Variants in MAX observed in about 807,000 individuals in gnomAD.
The protein encoded by MAX is MYC associated transcriptional regulator X.
A neutral mutation model predicts 22.3 loss-of-function variants in MAX; 3 were observed. That is an observed-to-expected ratio of 0.13 (90% CI 0.06 to 0.35). The LOEUF (loss-of-function observed/expected upper bound fraction) is 0.35, where lower values mean the gene tolerates loss of function less well. Ranked by LOEUF, MAX falls within the 10% of genes least tolerant of loss-of-function variation. The probability of loss-of-function intolerance (pLI) is 1.00; values close to 1 mark genes in which losing one functional copy is unlikely to be tolerated. For synonymous variants in MAX, 72 were observed against 77.7 expected, an observed-to-expected ratio of 0.93 and a Z score of 0.39; for missense variants, 119 against 209.4, an observed-to-expected ratio of 0.57 and a Z score of 2.66.
chr14:65,099,887 T>A (rs981596391), intron 2 of MAX, among the ~76,000 whole-genome samples: 1 of 152,190 alleles, frequency 6.6e-6, no homozygotes, highest in African/African-American at 2.4e-5. Context: ...AACAACTACA[T>A]CCCCGGATTT....
intron 3 of MAX, among the ~76,000 whole-genome samples, chr14:65,092,286 C>G (rs1168241440): frequency 6.6e-6 from 1 of 152,126 alleles, no homozygotes; most frequent in East Asian, 1.9e-4. Context: ...CGCAACTCAC[C>G]CCTTGAGAAA....
chr14:65,092,185 C>A (rs1272751866), intron 3 of MAX, among the ~76,000 whole-genome samples: 1 of 152,140 alleles, frequency 6.6e-6, no homozygotes, highest in Admixed American at 6.5e-5. Context: ...TTAAGAATGC[C>A]TAAGAATCAT....
downstream of MAX, among the ~76,000 whole-genome samples, chr14:65,070,129 G>A (rs2062970430): frequency 6.6e-6 from 1 of 152,180 alleles, no homozygotes; most frequent in South Asian, 2.1e-4. The surrounding 1 kb of genome is among the most constrained non-coding windows in gnomAD (Gnocchi z 4.4). Flanking sequence ...CATGCCCATT[G>A]GGTTATTTTT....
At chr14:65,022,370 A>G (rs1361949863) in intron 3 of MAX, among the ~76,000 whole-genome samples, 1 of 151,722 alleles carries the variant, frequency 6.6e-6, no homozygotes, top group Non-Finnish European at 1.5e-5. Flanking sequence ...TGTCTATGAT[A>G]GCCTAGTCTA....
At chr14:65,058,457 T>C (rs1438847414) in intron 3 of MAX, among the ~76,000 whole-genome samples, 1 of 152,192 alleles carries the variant, frequency 6.6e-6, no homozygotes, top group Non-Finnish European at 1.5e-5. Flanking sequence ...CCATTTTATT[T>C]TTCTTGCCTT....
intron 3 of MAX, among the ~76,000 whole-genome samples, chr14:65,033,736 A>G (rs548509327): frequency 1.1e-4 from 17 of 152,310 alleles, no homozygotes; most frequent in Admixed American, 2.0e-4. Flanking sequence ...GGGCGCCTGT[A>G]GTCCCAGCTA....
At chr14:65,034,258 C>T (rs770708556) in intron 3 of MAX, among the ~76,000 whole-genome samples, 5 of 152,188 alleles carry the variant, frequency 3.3e-5, no homozygotes, top group Admixed American at 2.6e-4. Context: ...GCAGGCATCC[C>T]GAAGCTTCCT....
rs2061680048 is a variant in MAX, at chr14:65,011,360, T to C, written c.172-5076A>G. Among the ~76,000 whole-genome samples the C allele has an allele frequency of 7.3e-6, 1 of 136,766 alleles. No homozygotes were observed. The highest frequency in any genetic ancestry group is 1.5e-5 in the Non-Finnish European group (1 of 66,182). The allele number at this position is 136,766 out of a possible 152,430, so 89.7% of individuals were successfully genotyped here. On this transcript the variant is annotated intron_variant, in intron 3 of 3. Coordinates refer to the MAX transcript ENST00000341653. The surrounding 1 kb of genome is among the most constrained non-coding windows in gnomAD (Gnocchi z 4.0). ...AGGAGAATAGCTTGAACCCAAGAGG[T>C]GGAGGTTGCAGTAAGCTGAAATCAC...
chr14:65,100,792 C>A (rs2063809647), intron 2 of MAX, among the ~76,000 whole-genome samples: 1 of 152,184 alleles, frequency 6.6e-6, no homozygotes, highest in East Asian at 1.9e-4. Flanking sequence ...GTCTCAGACT[C>A]CAAAGACATG....
intron 3 of MAX, among the ~76,000 whole-genome samples, chr14:65,040,484 G>A (rs753038133): frequency 6.6e-6 from 1 of 151,580 alleles, no homozygotes; most frequent in African/African-American, 2.4e-5. Context: ...TCTTTCACCC[G>A]GGCTGGAGCA....
chr14:65,018,981 A>T (rs1051014023), intron 3 of MAX, among the ~76,000 whole-genome samples: 1 of 151,940 alleles, frequency 6.6e-6, no homozygotes, highest in Non-Finnish European at 1.5e-5. Flanking sequence ...GTGGTGGCGC[A>T]TGCCTGTAAT....
At chr14:65,020,131 GT>G in intron 3 of MAX, among the ~76,000 whole-genome samples, 1 of 152,206 alleles carries the variant, frequency 6.6e-6, no homozygotes. Flanking sequence ...GCTTCTATTT[GT>G]TTAGGGAACA....
At chr14:65,019,867 C>G (rs1424701716) in intron 3 of MAX, among the ~76,000 whole-genome samples, 2 of 152,134 alleles carry the variant, frequency 1.3e-5, no homozygotes, top group Admixed American at 1.3e-4. Flanking sequence ...TTAAGGACTT[C>G]TATATAAATA....
chr14:65,052,316 C>G (rs1473686917), intron 3 of MAX, among the ~76,000 whole-genome samples: 1 of 151,980 alleles, frequency 6.6e-6, no homozygotes, highest in African/African-American at 2.4e-5. Flanking sequence ...CGCATAGAAC[C>G]AAAAAGACTG....
Position 65,077,631 on chromosome 14 carries a change from G to A in MAX, c.295+282C>T. 4 of 1,220,230 alleles carry A rather than the reference G, an allele frequency of 3.3e-6. No individual in the cohort carries two copies. Among genetic ancestry groups the A allele is most frequent in the Non-Finnish European group, 3.5e-6 (3 of 853,084 alleles). The allele number at this position is 1,220,230 out of a possible 1,614,324, so 75.6% of individuals were successfully genotyped here. A position where few individuals can be genotyped will look rare whatever the true frequency, so the allele number is the denominator to read the frequency against. On this transcript the variant is annotated intron_variant, in intron 4 of 4. Transcript: ENST00000358664. The surrounding 1 kb of genome is among the most constrained non-coding windows in gnomAD (Gnocchi z 6.3). ...CCTGATGCCAGGTGTGATCCCTACT[G>A]CAGGCAGAGCACCTGAGCCCCAAGA...
chr14:65,092,379 T>A (rs993772362), intron 3 of MAX, among the ~76,000 whole-genome samples: 36 of 152,182 alleles, frequency 2.4e-4, no homozygotes, highest in Non-Finnish European at 2.9e-5. Context: ...GCAATTTTAA[T>A]TGATACTATG....
intron 3 of MAX, among the ~76,000 whole-genome samples, chr14:65,026,445 C>CT (rs2061982729): frequency 6.6e-6 from 1 of 152,212 alleles, no homozygotes; most frequent in Admixed American, 6.5e-5. Flanking sequence ...AACCCGCAGA[C>CT]TGGGAGGCAT....
chr14:65,074,074 C>A (rs116722539), downstream of MAX, among the ~76,000 whole-genome samples: 6 of 152,314 alleles, frequency 3.9e-5, no homozygotes, highest in African/African-American at 1.2e-4. Context: ...GCTTCACATG[C>A]CTTCCATCTC....
rs142942714 is a variant in MAX, at chr14:65,044,426, G to A, written c.172-38142C>T. 38 of 1,611,592 alleles carry A rather than the reference G, an allele frequency of 2.4e-5. No individual in the cohort carries two copies. Among genetic ancestry groups the A allele is most frequent in the Admixed American group, 3.4e-5 (2 of 59,416 alleles). Reference sequence around the variant, plus strand: ...GCGGGGCTCCTGCCCCTGCTCCACCGCGCACTGCACGCCCAAGGTGAGCCT... The same window carrying A: ...GCGGGGCTCCTGCCCCTGCTCCACCACGCACTGCACGCCCAAGGTGAGCCT... On this transcript the variant is annotated intron_variant, in intron 3 of 3. Coordinates refer to the MAX transcript ENST00000341653. This position sits in a 1 kb window ranked among gnomAD's most constrained non-coding sequence, Gnocchi z 5.5.
Sources: gnomAD v4.1 joint callset for allele counts (sites outside exome capture counted in the v4.1 genomes callset) on GRCh38, gnomAD v4.1.1 for gene constraint, Gnocchi (gnomAD v3.1) non-coding constraint, MANE v1.5 for transcripts, NCBI Gene and HGNC (gene_info 2026-07-23, HGNC 2026-07-21) for gene names.